CCDC38: variants seen among roughly 807,000 people sequenced by gnomAD.
The protein encoded by CCDC38 is coiled-coil domain containing 38, also known as coiled-coil domain-containing protein 38.
In CCDC38, 69 loss-of-function variants were observed where a neutral mutation model predicts 72.8. The ratio of observed to expected loss-of-function variants is 0.95; its 90% CI spans 0.78 to 1.16. CCDC38 has a LOEUF of 1.16. Ranked by LOEUF, CCDC38 falls within the 50% of genes most tolerant of loss-of-function variation. The probability of loss-of-function intolerance (pLI) is 0.00; values close to 1 mark genes in which losing one functional copy is unlikely to be tolerated. For missense variants in CCDC38, 626 were observed against 638.9 expected (o/e 0.98, Z 0.22); for synonymous variants, 201 against 213.2 (o/e 0.94, Z 0.50).
chr12:95,870,086 A>T (rs1042920090), intron 14 of CCDC38, among the ~76,000 whole-genome samples: 7 of 152,072 alleles, frequency 4.6e-5, no homozygotes, highest in Non-Finnish European at 8.8e-5. Flanking sequence ...CCTCCTAAAC[A>T]TTTCAGCACT....
intron 5 of CCDC38, among the ~76,000 whole-genome samples, chr12:95,904,443 A>G (rs759766044): frequency 8.5e-4 from 130 of 152,372 alleles, no homozygotes; most frequent in African/African-American, 2.4e-3. Context: ...ACTGAAAGCT[A>G]TTATACTCAT....
At chr12:95,882,646 T>A (rs1415766381) in intron 10 of CCDC38, among the ~76,000 whole-genome samples, 1 of 152,118 alleles carries the variant, frequency 6.6e-6, no homozygotes, top group Admixed American at 6.5e-5. Flanking sequence ...TTGAGCAACA[T>A]CACTTTCTAA....
intron 13 of CCDC38, among the ~76,000 whole-genome samples, chr12:95,875,371 A>C (rs2079624473): frequency 6.6e-6 from 1 of 152,216 alleles, no homozygotes; most frequent in Non-Finnish European, 1.5e-5. Context: ...ACTTGAACTT[A>C]AAATGTTATT....
chr12:95,912,018 T>A (rs2080099946), intron 4 of CCDC38, among the ~76,000 whole-genome samples: 1 of 152,246 alleles, frequency 6.6e-6, no homozygotes, highest in African/African-American at 2.4e-5. Context: ...ATGTATACCA[T>A]GGAATACTAT....
At chr12:95,909,663 G>T (rs571383229) in intron 4 of CCDC38, among the ~76,000 whole-genome samples, 7 of 152,180 alleles carry the variant, frequency 4.6e-5, no homozygotes, top group Admixed American at 1.3e-4. Flanking sequence ...AAAAACACTA[G>T]CAAACTGAAT....
rs1376764495 is a variant in CCDC38 at position 95,879,331 on chromosome 12, G to A, written c.1142+313C>T. The stretch of plus-strand genomic sequence containing the variant: ...AAATGACAGCTAGCCAAGTGATAGG[G>A]CGAAAACTATACCGGACAAAAGTTA... On this transcript the variant is annotated intron_variant, in intron 12 of 15. Transcript: ENST00000344280. This position sits in a 1 kb window ranked among gnomAD's most constrained non-coding sequence, Gnocchi z 5.5. Among the ~76,000 whole-genome samples, 1 of 152,162 alleles carries A rather than the reference G, an allele frequency of 6.6e-6. No homozygotes were observed. Among genetic ancestry groups the A allele is most frequent in the African/African-American group, 2.4e-5 (1 of 41,416 alleles).
At chr12:95,934,133 GA>G (rs1388806363) in intron 2 of CCDC38, 1 of 151,896 alleles carries the variant, frequency 6.6e-6, no homozygotes, top group Non-Finnish European at 1.5e-5. Context: ...AAACTAAAAT[GA>G]AAAATATGCT....
At position 95,881,527 on chromosome 12, in the gene CCDC38, G is replaced by A; in HGVS notation, c.948C>T (p.Asp316=). The part of the protein sequence containing the change: ...SNLAESFGSE[D]SLEFLLDDEM... ...CATCATCTAAAAGGAATTCCAAACT[G>A]TCTTCTGAACCGAAACTTTCAGCCA... Residue 316 remains aspartate, a synonymous_variant, in exon 11 of 16, where the codon GAC becomes GAT. Transcript: ENST00000344280. 1.2e-6 allele frequency: 2 copies of A among 1,609,288 alleles called. No homozygotes were observed. The highest frequency in any genetic ancestry group is 1.7e-6 in the Non-Finnish European group (2 of 1,177,750).
intron 5 of CCDC38, chr12:95,903,678 G>A: frequency 4.2e-6 from 2 of 476,994 alleles, no homozygotes; most frequent in Admixed American, 7.6e-5. Context: ...ATTTGTTAAT[G>A]TGTATTACAT....
chr12:95,886,730 C>T (rs1425328464), intron 10 of CCDC38, among the ~76,000 whole-genome samples: 1 of 152,138 alleles, frequency 6.6e-6, no homozygotes, highest in Non-Finnish European at 1.5e-5. Flanking sequence ...TCATTAGCTA[C>T]TAGGAAAATC....
intron 2 of CCDC38, among the ~76,000 whole-genome samples, chr12:95,932,415 T>G (rs1243723641): frequency 1.3e-5 from 2 of 152,158 alleles, no homozygotes; most frequent in Non-Finnish European, 2.9e-5. Flanking sequence ...TTTTTTGGTG[T>G]TGTTTCTGGA....
rs2289097 is a variant in CCDC38, at chr12:95,879,491, C to A, written c.1142+153G>T. Among the ~76,000 whole-genome samples, 18 of 152,244 alleles carry A rather than the reference C, an allele frequency of 1.2e-4. No individual in the cohort carries two copies. In the East Asian group the frequency reaches 3.5e-3, roughly 29 times the overall value. On this transcript the variant is annotated intron_variant, in intron 12 of 15. Coordinates refer to ENST00000344280, the MANE Select transcript of CCDC38 (RefSeq NM_182496.3). The surrounding 1 kb of genome is among the most constrained non-coding windows in gnomAD (Gnocchi z 5.5). ...GCCAGTCTATTCTGTGTAAATACGA[C>A]GTCTACGTTTTGCACTCCACAATGT... is the stretch of plus-strand genomic sequence containing the variant.
intron 1 of CCDC38, among the ~76,000 whole-genome samples, chr12:95,938,931 G>C (rs1470703910): frequency 6.6e-6 from 1 of 152,152 alleles, no homozygotes; most frequent in Non-Finnish European, 1.5e-5. Flanking sequence ...AGATGAAAAA[G>C]ATCAAAAGCT....
rs73371167 is a variant in CCDC38, at chr12:95,875,042, G to A, written c.1279-2582C>T. On this transcript the variant is annotated intron_variant, in intron 13 of 15. Transcript: ENST00000344280. ...TGGAGCAGTTTATGTTCCATTTCAT[G>A]TTCAATGAAGAAGTAACAACTGCTA... Among the ~76,000 whole-genome samples the A allele has an allele frequency of 5.5e-3, 830 of 152,270 alleles. 4 individuals carry two copies. Among genetic ancestry groups the A allele is most frequent in the Middle Eastern group, 0.024 (7 of 294 alleles).
intron 3 of CCDC38, 58 bp downstream of exon 3, chr12:95,918,818 T>A: frequency 8.6e-7 from 1 of 1,168,168 alleles, no homozygotes; most frequent in Non-Finnish European, 1.3e-6. Flanking sequence ...ATAAGAGCAA[T>A]AGGTAAGTGG....
chr12:95,909,817 T>A (rs1311872934), intron 4 of CCDC38, among the ~76,000 whole-genome samples: 5 of 152,226 alleles, frequency 3.3e-5, no homozygotes, highest in Non-Finnish European at 5.9e-5. Context: ...ATCATCTTGA[T>A]AGACCCAGAA....
intron 1 of CCDC38, among the ~76,000 whole-genome samples, chr12:95,941,065 G>T (rs2080445513): frequency 6.6e-6 from 1 of 152,226 alleles, no homozygotes; most frequent in South Asian, 2.1e-4. Context: ...ACTAAGGAAA[G>T]AAATTCACTC....
At chr12:95,900,905 C>T (rs1393832859) in intron 5 of CCDC38, among the ~76,000 whole-genome samples, 2 of 152,066 alleles carry the variant, frequency 1.3e-5, no homozygotes, top group Non-Finnish European at 2.9e-5. Flanking sequence ...CATTTTGGAT[C>T]GTTGTCTTTT....
chr12:95,867,306 A>G (rs1171903146), intron 15 of CCDC38, 117 bp from the exon 16 acceptor site: 7 of 653,984 alleles, frequency 1.1e-5, no homozygotes, highest in Non-Finnish European at 1.9e-5. Context: ...GGTTTGTAAC[A>G]TTAACTAATC....
Sources: gnomAD v4.1 joint callset for allele counts (sites outside exome capture counted in the v4.1 genomes callset) on GRCh38, gnomAD v4.1.1 for gene constraint, Gnocchi (gnomAD v3.1) non-coding constraint, MANE v1.5 for transcripts, NCBI Gene and HGNC (gene_info 2026-07-23, HGNC 2026-07-21) for gene names.